The following SLC47A2 variants were observed in gnomAD, a reference collection of about 807,000 sequenced individuals.
SLC47A2 encodes the protein solute carrier family 47 member 2, also known as multidrug and toxin extrusion protein 2.
In SLC47A2, 52 loss-of-function variants were observed where a neutral mutation model predicts 67.7. The observed-to-expected ratio is 0.77, with a 90% confidence interval of 0.61 to 0.97. SLC47A2 has a LOEUF of 0.97. Among genes scored for constraint, SLC47A2 ranks in the 50% least tolerant of loss-of-function variants. The pLI, the probability that SLC47A2 is intolerant of heterozygous loss-of-function variation, is 0.00. For synonymous variants in SLC47A2, 278 were observed against 292.9 expected (o/e 0.95, Z 0.52); for missense variants, 676 against 712.3 (o/e 0.95, Z 0.58).
chr17:19,707,021 G>A (rs935116786), intron 8 of SLC47A2, among the ~76,000 whole-genome samples: 2 of 151,870 alleles, frequency 1.3e-5, no homozygotes, highest in Non-Finnish European at 2.9e-5. Context: ...GGGCATGGGT[G>A]TTGGTCCCCA....
At position 19,679,612 on chromosome 17, in the gene SLC47A2, G is replaced by T. The variant is rs372217551; in HGVS notation, c.1480+340C>A. 3.9e-5 allele frequency among the ~76,000 whole-genome samples: 6 copies of T among 152,242 alleles called. No individual in the cohort carries two copies. In the East Asian group the frequency reaches 1.2e-3, roughly 29 times the overall value. ...GAGATCATGGGCTCTTGAATCTGACGGGTTGATGCGCAGATCTTATGTCTG... is the reference window on the plus strand; with the variant it reads ...GAGATCATGGGCTCTTGAATCTGACTGGTTGATGCGCAGATCTTATGTCTG... On this transcript the variant is annotated intron_variant, in intron 16 of 16. Transcript: ENST00000433844.
In SLC47A2 at chr17:19,716,413, C is replaced by T. The variant is rs766954257; in HGVS notation, c.123+20G>A. ...CAGCTTCCTCCACTCCCTACCTGCC[C>T]CCCAGCTCCTCCTCCTTACCAGGGG... On this transcript the variant is annotated intron_variant, in intron 1 of 16. Coordinates refer to ENST00000433844, the MANE Select transcript of SLC47A2 (RefSeq NM_001099646.3). 47 of 1,601,968 alleles carry T rather than the reference C, an allele frequency of 2.9e-5. No individual in the cohort carries two copies. Among genetic ancestry groups the T allele is most frequent in the Non-Finnish European group, 1.9e-5 (22 of 1,174,766 alleles).
At position 19,706,757 on chromosome 17, in the gene SLC47A2, C is replaced by G. The variant is rs781237396; in HGVS notation, c.732G>C (p.Trp244Cys). 11 of 1,604,334 alleles carry G rather than the reference C, an allele frequency of 6.9e-6. No homozygotes were observed. Among genetic ancestry groups the G allele is most frequent in the African/African-American group, 1.3e-5 (1 of 74,220 alleles). ...KKLHLETWAGWSSQCLQDWGP... is the reference protein window; with the variant it reads ...KKLHLETWAGCSSQCLQDWGP... ...CCCAGTCCTGCAGGCACTGGCTGGA[C>G]CAACCTGGAAACAGAGGCCCCATGA... The change falls in exon 9 of 17, where the codon TGG becomes TGC. Residue 244 changes from tryptophan to cysteine, a missense_variant. By Grantham distance (215) the Trp-to-Cys change is radical. Transcript: ENST00000433844.
At chr17:19,696,931 G>A (rs2152346243) in intron 13 of SLC47A2, among the ~76,000 whole-genome samples, 1 of 152,280 alleles carries the variant, frequency 6.6e-6, no homozygotes, top group African/African-American at 2.4e-5. Flanking sequence ...CAAGAAAGAG[G>A]GGAAGGGGGC....
At chr17:19,682,346 C>CAT in intron 13 of SLC47A2, among the ~76,000 whole-genome samples, 1 of 151,080 alleles carries the variant, frequency 6.6e-6, no homozygotes. Context: ...CACACACACA[C>CAT]ACACACACAC....
intron 11 of SLC47A2, 26 bp from the exon 12 acceptor site, chr17:19,703,193 T>C: frequency 6.2e-7 from 1 of 1,610,260 alleles, no homozygotes. Flanking sequence ...GGTGCAGCAA[T>C]GACAGACCCC....
chr17:19,692,640 CTT>C (rs2085567797), intron 13 of SLC47A2, among the ~76,000 whole-genome samples: 1 of 152,190 alleles, frequency 6.6e-6, no homozygotes, highest in Non-Finnish European at 1.5e-5. Flanking sequence ...TTCACAAACT[CTT>C]TTAGAAAGTA....
At chr17:19,691,867 T>C (rs1282056149) in intron 13 of SLC47A2, among the ~76,000 whole-genome samples, 1 of 152,150 alleles carries the variant, frequency 6.6e-6, no homozygotes, top group African/African-American at 2.4e-5. Context: ...AATATATACA[T>C]CTAATATGTA....
rs1016869266 is a variant in SLC47A2 at position 19,685,460 on chromosome 17, C to T, written c.1165-3790G>A. Among the ~76,000 whole-genome samples, 1 of 151,990 alleles carries T rather than the reference C, an allele frequency of 6.6e-6. No homozygotes were observed. Among genetic ancestry groups the T allele is most frequent in the African/African-American group, 2.4e-5 (1 of 41,364 alleles). ...GAGGAGCCCCTCTGCCTGGCCGCCCCGTCTGGGAAGTGAGGAGTGCCTCTG... is the reference window on the plus strand; with the variant it reads ...GAGGAGCCCCTCTGCCTGGCCGCCCTGTCTGGGAAGTGAGGAGTGCCTCTG... On this transcript the variant is annotated intron_variant, in intron 13 of 16. Transcript: ENST00000433844. This position sits in a 1 kb window ranked among gnomAD's most constrained non-coding sequence, Gnocchi z 4.5.
At chr17:19,714,033 G>A (rs111307946) in intron 3 of SLC47A2, 60 bp from the exon 4 acceptor site, 1 of 1,554,172 alleles carries the variant, frequency 6.4e-7, no homozygotes. Flanking sequence ...CCTAAATCCC[G>A]CGCGGGGAGC....
chr17:19,694,137 TAG>T (rs1326531678), intron 13 of SLC47A2, among the ~76,000 whole-genome samples: 3 of 152,194 alleles, frequency 2.0e-5, no homozygotes, highest in Admixed American at 6.5e-5. Flanking sequence ...TCTAAATAAC[TAG>T]AGACATTCTG....
intron 10 of SLC47A2, among the ~76,000 whole-genome samples, chr17:19,704,444 C>T (rs964032525): frequency 6.6e-6 from 1 of 152,212 alleles, no homozygotes; most frequent in Non-Finnish European, 1.5e-5. Flanking sequence ...GCCTTGCAAC[C>T]GAAATCACTG....
At chr17:19,684,425 T>C (rs1047472625) in intron 13 of SLC47A2, among the ~76,000 whole-genome samples, 1 of 152,072 alleles carries the variant, frequency 6.6e-6, no homozygotes, top group Non-Finnish European at 1.5e-5. Flanking sequence ...ACTAAGGCAA[T>C]GCTTAGAGGG....
intron 13 of SLC47A2, among the ~76,000 whole-genome samples, chr17:19,683,290 C>A (rs1455423630): frequency 6.6e-6 from 1 of 152,148 alleles, no homozygotes; most frequent in East Asian, 1.9e-4. Flanking sequence ...TGCTGCTAAA[C>A]ATCCTACAAT....
chr17:19,691,994 C>T (rs981523644), intron 13 of SLC47A2, among the ~76,000 whole-genome samples: 1 of 152,108 alleles, frequency 6.6e-6, no homozygotes, highest in Non-Finnish European at 1.5e-5. Flanking sequence ...CTTTGGGAGG[C>T]CTAGGTGGGC....
intron 13 of SLC47A2, among the ~76,000 whole-genome samples, chr17:19,700,553 G>T (rs1418376930): frequency 2.0e-5 from 3 of 152,158 alleles, no homozygotes; most frequent in Non-Finnish European, 4.4e-5. Context: ...TTAAGCCCAG[G>T]AGCTCAAGAC....
intron 13 of SLC47A2, among the ~76,000 whole-genome samples, chr17:19,695,594 A>G (rs2085645516): frequency 6.6e-6 from 1 of 151,922 alleles, no homozygotes; most frequent in African/African-American, 2.4e-5. Flanking sequence ...ATTTAAAAAG[A>G]TAAGCCACAG....
Position 19,708,289 on chromosome 17 carries a change from C to A in SLC47A2, c.629+13G>T, listed in dbSNP as rs772982196. On this transcript the variant is annotated intron_variant, in intron 7 of 16. Coordinates refer to ENST00000433844, the MANE Select transcript of SLC47A2 (RefSeq NM_001099646.3). ...GTGTCCCCTGACCAGGCCCCACCAG[C>A]CCCCGGGCTCACCTGACCCCCAGGT... 1 of 1,611,654 alleles carries A rather than the reference C, an allele frequency of 6.2e-7. No individual in the cohort carries two copies. The highest frequency in any genetic ancestry group is 8.5e-7 in the Non-Finnish European group (1 of 1,179,806).
chr17:19,680,786 C>T (rs905171045), intron 15 of SLC47A2, among the ~76,000 whole-genome samples: 1 of 152,134 alleles, frequency 6.6e-6, no homozygotes, highest in Non-Finnish European at 1.5e-5. Context: ...GAGTTCTTTG[C>T]GTTTGTTTGG....
Sources: gnomAD v4.1 joint callset for allele counts (sites outside exome capture counted in the v4.1 genomes callset) on GRCh38, gnomAD v4.1.1 for gene constraint, Gnocchi (gnomAD v3.1) non-coding constraint, MANE v1.5 for transcripts, NCBI Gene and HGNC (gene_info 2026-07-23, HGNC 2026-07-21) for gene names.